Variants in WWOX observed in about 807,000 individuals in gnomAD.
WWOX encodes WW domain containing oxidoreductase, also known as WW domain-containing oxidoreductase.
In WWOX, 69 loss-of-function variants were observed where a neutral mutation model predicts 46.2. That is an observed-to-expected ratio of 1.49 (90% confidence interval 1.23 to 1.82). The LOEUF (loss-of-function observed/expected upper bound fraction) is 1.82. Among genes scored for constraint, WWOX ranks in the 40% most tolerant of loss-of-function variants. The pLI is 0.00. For synonymous variants in WWOX, 359 were observed against 202.6 expected (o/e 1.77, Z -6.56); for missense variants, 919 against 542.6 (o/e 1.69, Z -6.89).
intron 4 of WWOX, among the ~76,000 whole-genome samples, chr16:78,137,972 T>G (rs1350103995): frequency 6.6e-6 from 1 of 150,728 alleles, no homozygotes; most frequent in Non-Finnish European, 1.5e-5. Context: ...ACAGAGTGGG[T>G]GAGCAAACCA....
At chr16:78,858,063 CAA>C (rs1342445579) in intron 8 of WWOX, among the ~76,000 whole-genome samples, 2 of 151,272 alleles carry the variant, frequency 1.3e-5, no homozygotes, top group Non-Finnish European at 2.9e-5. Flanking sequence ...ACAGTTTTTC[CAA>C]AGTTTTAAAT....
intron 8 of WWOX, among the ~76,000 whole-genome samples, chr16:79,167,224 G>A (rs927281430): frequency 6.6e-6 from 1 of 152,164 alleles, no homozygotes; most frequent in African/African-American, 2.4e-5. Context: ...TAACAGGCAT[G>A]AACCACCATG....
rs572727253 is a variant in WWOX, at chr16:78,478,581, C to T, written c.1056+45829C>T. ...CCATGCCCACCTTGCTGTTGCACCC[C>T]CCACCCCAAGGAAAGCCTTCCCACC... On this transcript the variant is annotated intron_variant, in intron 8 of 8. Transcript: ENST00000566780. Among the ~76,000 whole-genome samples, 6 of 152,298 alleles carry T rather than the reference C, an allele frequency of 3.9e-5. No homozygotes were observed. The South Asian group carries it at 1.2e-3, about 32-fold the overall frequency.
intron 8 of WWOX, among the ~76,000 whole-genome samples, chr16:78,771,510 G>A (rs145164911): frequency 0.029 from 4,352 of 152,188 alleles, 212 homozygotes; most frequent in African/African-American, 0.1. Flanking sequence ...GGTGGCTCAC[G>A]CCTGTAATCC....
intron 8 of WWOX, among the ~76,000 whole-genome samples, chr16:78,917,353 T>G (rs569918831): frequency 1.4e-4 from 22 of 152,326 alleles, no homozygotes; most frequent in African/African-American, 4.1e-4. Context: ...ATAAACATCC[T>G]TTAAATACCT....
intron 8 of WWOX, among the ~76,000 whole-genome samples, chr16:78,611,838 G>T (rs1279622973): frequency 2.0e-5 from 3 of 152,170 alleles, no homozygotes; most frequent in Non-Finnish European, 2.9e-5. Flanking sequence ...TGAGACCAAA[G>T]GATCTTAAAG....
chr16:78,706,292 C>T (rs2048327322), intron 8 of WWOX, among the ~76,000 whole-genome samples: 1 of 152,106 alleles, frequency 6.6e-6, no homozygotes, highest in African/African-American at 2.4e-5. Context: ...CAGTCTCACA[C>T]ACATCCTTCA....
At chr16:78,788,917 T>G (rs1207255750) in intron 8 of WWOX, among the ~76,000 whole-genome samples, 1 of 152,206 alleles carries the variant, frequency 6.6e-6, no homozygotes, top group African/African-American at 2.4e-5. Flanking sequence ...CTGCTTAGTA[T>G]GTGGGGAAAG....
intron 8 of WWOX, among the ~76,000 whole-genome samples, chr16:78,817,281 G>A (rs745792309): frequency 2.1e-5 from 3 of 142,208 alleles, no homozygotes; most frequent in Non-Finnish European, 4.5e-5. Flanking sequence ...TCTTAAGCCT[G>A]GGCCAAGTGT....
intron 8 of WWOX, among the ~76,000 whole-genome samples, chr16:78,800,982 A>G (rs888743225): frequency 2.0e-5 from 3 of 152,174 alleles, no homozygotes; most frequent in South Asian, 4.1e-4. Flanking sequence ...AATGCAAACT[A>G]TCACCCCATG....
rs534783430 is a variant in WWOX, at chr16:78,783,678, A to G, written c.1056+350926A>G. Among the ~76,000 whole-genome samples, 4 of 152,288 alleles carry G rather than the reference A, an allele frequency of 2.6e-5. No individual in the cohort carries two copies. In the South Asian group the frequency reaches 8.3e-4, roughly 32 times the overall value. On this transcript the variant is annotated intron_variant, in intron 8 of 8. Coordinates refer to ENST00000566780, the MANE Select transcript of WWOX (RefSeq NM_016373.4). ...ACAAAGACATAAATGTCTTCTGAAT[A>G]AAAGTATGATGATGATGATCATGGT...
intron 4 of WWOX, chr16:78,123,440 G>GTTTTTTGTTTTTTTTT (rs2033202143): frequency 2.0e-5 from 1 of 50,500 alleles, no homozygotes; most frequent in African/African-American, 8.4e-5. Context: ...TTTTTGTTTT[G>GTTTTTTGTTTTTTTTT]TTTTTTTTTT....
intron 8 of WWOX, among the ~76,000 whole-genome samples, chr16:79,068,859 T>C (rs1243989676): frequency 7.2e-6 from 1 of 139,720 alleles, no homozygotes; most frequent in African/African-American, 2.8e-5. Context: ...ATAATAATAA[T>C]AATAAAGAAA....
At chr16:78,206,570 T>C (rs939111336) in intron 5 of WWOX, among the ~76,000 whole-genome samples, 1 of 152,190 alleles carries the variant, frequency 6.6e-6, no homozygotes, top group Admixed American at 6.5e-5. Context: ...ACCTTTGGTG[T>C]TTCCATCAAA....
chr16:78,309,307 G>A (rs931433528), intron 5 of WWOX, among the ~76,000 whole-genome samples: 3 of 152,160 alleles, frequency 2.0e-5, no homozygotes, highest in Admixed American at 6.5e-5. Context: ...TTGTGAACCT[G>A]GTGCTTTGCT....
intron 3 of WWOX, among the ~76,000 whole-genome samples, chr16:78,114,162 A>G (rs1420527826): frequency 2.0e-5 from 3 of 150,536 alleles, no homozygotes; most frequent in Non-Finnish European, 2.9e-5. Flanking sequence ...CAGTGGCACA[A>G]TCATGGCTCA....
intron 8 of WWOX, among the ~76,000 whole-genome samples, chr16:78,710,167 A>G (rs151315515): frequency 2.9e-3 from 438 of 152,050 alleles, no homozygotes; most frequent in African/African-American, 9.7e-3. Context: ...TTTACCACCT[A>G]GAGGCCTAAG....
intron 5 of WWOX, among the ~76,000 whole-genome samples, chr16:78,283,396 C>T (rs912634834): frequency 6.6e-6 from 1 of 152,186 alleles, no homozygotes; most frequent in Non-Finnish European, 1.5e-5. Flanking sequence ...ACCTGCTTTC[C>T]ACTCTGTGAC....
intron 8 of WWOX, among the ~76,000 whole-genome samples, chr16:78,804,956 C>G (rs8059278): frequency 0.68 from 103,022 of 151,832 alleles, 36,043 homozygotes; most frequent in Middle Eastern, 0.84. Flanking sequence ...CTACCAATGT[C>G]TATGGATGGT....
Sources: allele counts gnomAD v4.1 joint callset (sites outside exome capture counted in the v4.1 genomes callset), GRCh38; gene constraint gnomAD v4.1.1; transcripts MANE v1.5; gene names NCBI Gene and HGNC (gene_info 2026-07-23, HGNC 2026-07-21).